TNKS: variants seen among roughly 807,000 people sequenced by gnomAD.
TNKS encodes tankyrase.
A neutral mutation model predicts 135.8 loss-of-function variants in TNKS; 72 were observed. The ratio of observed to expected loss-of-function variants is 0.53; its 90% CI spans 0.44 to 0.64. TNKS has a LOEUF of 0.64. TNKS is among the 30% of genes least tolerant of loss of function. TNKS has a pLI of 0.00. For synonymous variants in TNKS, 849 were observed against 649.3 expected, an observed-to-expected ratio of 1.31 and a Z score of -4.68; for missense variants, 1,769 against 1,674.0, an observed-to-expected ratio of 1.06 and a Z score of -0.99.
intron 2 of TNKS, 82 bp from the exon 3 acceptor site, chr8:9,615,500 T>C: frequency 8.4e-7 from 1 of 1,193,110 alleles, no homozygotes; most frequent in East Asian, 2.6e-5. Context: ...TGTTTATGCC[T>C]ACACCATGCC....
At position 9,556,429 on chromosome 8, in the gene TNKS, C is replaced by A. The variant is rs1815307840; in HGVS notation, c.490C>A (p.Pro164Thr). Residue 164 changes from proline to threonine, a missense_variant, in exon 1 of 27, where the codon CCA becomes ACA. Pro to Thr is a conservative substitution (Grantham distance 38, BLOSUM62 -1). Transcript: ENST00000310430. ...PEAAGVSSTA[P>T]LGPGAAGPGT... Reference sequence around the variant, plus strand: ...GGCGGCCGGAGTTAGCAGCACAGCACCACTGGGGCCTGGGGCAGCAGGACC... The same window carrying A: ...GGCGGCCGGAGTTAGCAGCACAGCAACACTGGGGCCTGGGGCAGCAGGACC... 1 of 1,614,168 alleles carries A rather than the reference C, an allele frequency of 6.2e-7. No individual in the cohort carries two copies. Among genetic ancestry groups the A allele is most frequent in the East Asian group, 2.2e-5 (1 of 44,882 alleles).
At position 9,709,873 on chromosome 8, in the gene TNKS, G is replaced by T; in HGVS notation, c.1579-82G>T. Reference sequence around the variant, plus strand: ...ACTCTGAGATAACAATGTTTTAAATGGTCAGCAGATACTGTTCAATTCCAA... The same window carrying T: ...ACTCTGAGATAACAATGTTTTAAATTGTCAGCAGATACTGTTCAATTCCAA... On this transcript the variant is annotated intron_variant, in intron 9 of 26. Transcript: ENST00000310430. 8.1e-6 allele frequency: 8 copies of T among 986,886 alleles called. No homozygotes were observed. In the South Asian group the frequency reaches 1.1e-4, roughly 14 times the overall value. The allele number at this position is 986,886 out of a possible 1,614,324, so 61.1% of individuals were successfully genotyped here. A position where few individuals can be genotyped will look rare whatever the true frequency, so the allele number is the denominator to read the frequency against.
chr8:9,714,049 G>A lies in TNKS; in HGVS notation c.1749+3829G>A, dbSNP rs149398238. Among the ~76,000 whole-genome samples, 944 of 152,304 alleles carry A rather than the reference G, an allele frequency of 6.2e-3. 12 individuals carry two copies. Among genetic ancestry groups the A allele is most frequent in the African/African-American group, 0.021 (884 of 41,560 alleles). On this transcript the variant is annotated intron_variant, in intron 11 of 26. Coordinates refer to ENST00000310430, the MANE Select transcript of TNKS (RefSeq NM_003747.3). ...ATCAATTTCTCAGGCAAAGGCAGAA[G>A]AATTTGGGATGAAGACCTAATTATC...
intron 1 of TNKS, among the ~76,000 whole-genome samples, chr8:9,570,731 G>A (rs1381068323): frequency 2.6e-5 from 4 of 152,156 alleles, no homozygotes; most frequent in Admixed American, 6.5e-5. Context: ...TCTCTAGCTC[G>A]GAACTGTGAC....
At chr8:9,748,960 C>T (rs1311802978) in intron 18 of TNKS, among the ~76,000 whole-genome samples, 1 of 152,160 alleles carries the variant, frequency 6.6e-6, no homozygotes, top group African/African-American at 2.4e-5. Flanking sequence ...AGGCAGGGGC[C>T]TCTCTAGTCC....
intron 17 of TNKS, chr8:9,741,863 T>C (rs1805978608): frequency 7.1e-6 from 2 of 281,368 alleles, no homozygotes; most frequent in South Asian, 3.7e-5. Flanking sequence ...GTCCACTCTT[T>C]CATTTTCATA....
At chr8:9,664,201 T>C (rs948051989) in intron 3 of TNKS, among the ~76,000 whole-genome samples, 8 of 152,210 alleles carry the variant, frequency 5.3e-5, no homozygotes, top group South Asian at 4.1e-4. Flanking sequence ...AGCATCTATG[T>C]CTGGTGAGGG....
intron 3 of TNKS, among the ~76,000 whole-genome samples, chr8:9,619,716 A>G (rs1385620164): frequency 4.6e-5 from 7 of 152,036 alleles, no homozygotes; most frequent in African/African-American, 1.2e-4. Context: ...GCCACCGGCA[A>G]TATTGAGGTG....
intron 17 of TNKS, among the ~76,000 whole-genome samples, chr8:9,739,470 G>A (rs1490258110): frequency 3.0e-5 from 1 of 33,306 alleles, no homozygotes; most frequent in Non-Finnish European, 5.8e-5. Context: ...CTGTAAACTA[G>A]TTCAACCATT....
At chr8:9,676,477 A>T (rs764635573) in intron 3 of TNKS, among the ~76,000 whole-genome samples, 4 of 152,180 alleles carry the variant, frequency 2.6e-5, no homozygotes, top group Non-Finnish European at 5.9e-5. Context: ...TACAATGTTA[A>T]AATTGAGATA....
At chr8:9,576,533 C>A (rs1205544013) in intron 1 of TNKS, among the ~76,000 whole-genome samples, 1 of 141,354 alleles carries the variant, frequency 7.1e-6, no homozygotes, top group African/African-American at 2.7e-5. Flanking sequence ...TGCAGTGGGG[C>A]GATCTCGGCT....
chr8:9,587,397 AT>A (rs71201955), intron 2 of TNKS, among the ~76,000 whole-genome samples: 7,722 of 141,310 alleles, frequency 0.055, 199 homozygotes, highest in Middle Eastern at 0.09. Context: ...CGACACCTTG[AT>A]TTTTTTTTTT....
At chr8:9,686,619 T>TA (rs1421456534) in intron 5 of TNKS, among the ~76,000 whole-genome samples, 1 of 152,228 alleles carries the variant, frequency 6.6e-6, no homozygotes, top group Admixed American at 6.5e-5. Context: ...GTGAGGATTT[T>TA]AAAATATCTT....
chr8:9,772,075 G>C (rs1056274574), intron 26 of TNKS, among the ~76,000 whole-genome samples: 3 of 140,934 alleles, frequency 2.1e-5, no homozygotes, highest in Admixed American at 7.0e-5. Flanking sequence ...GGGGGAGAGA[G>C]GGAGAGAGAA....
intron 3 of TNKS, among the ~76,000 whole-genome samples, chr8:9,650,195 A>G (rs1171082315): frequency 6.6e-6 from 1 of 152,030 alleles, no homozygotes; most frequent in African/African-American, 2.4e-5. Flanking sequence ...CCCAGCCTAT[A>G]CCACAGTTTC....
chr8:9,598,715 G>T (rs1240154653), intron 2 of TNKS, among the ~76,000 whole-genome samples: 1 of 130,720 alleles, frequency 7.6e-6, no homozygotes, highest in African/African-American at 2.9e-5. Flanking sequence ...ATGTGTGTGT[G>T]TGTGTGTGTG....
At chr8:9,607,694 A>G (rs1355345477) in intron 2 of TNKS, among the ~76,000 whole-genome samples, 1 of 152,170 alleles carries the variant, frequency 6.6e-6, no homozygotes, top group African/African-American at 2.4e-5. Flanking sequence ...AAATAATTAC[A>G]TTTGTTATTT....
intron 3 of TNKS, among the ~76,000 whole-genome samples, chr8:9,674,965 A>G (rs1205538992): frequency 6.6e-6 from 1 of 152,204 alleles, no homozygotes; most frequent in Non-Finnish European, 1.5e-5. Context: ...CAAAGAAGGC[A>G]TTGAGAGCTG....
At chr8:9,665,565 A>G (rs920266700) in intron 3 of TNKS, among the ~76,000 whole-genome samples, 2 of 152,210 alleles carry the variant, frequency 1.3e-5, no homozygotes, top group Non-Finnish European at 2.9e-5. Flanking sequence ...GTGCATCTCT[A>G]CAAGATTCCA....
Sources: gnomAD v4.1 joint callset for allele counts (sites outside exome capture counted in the v4.1 genomes callset) on GRCh38, gnomAD v4.1.1 for gene constraint, MANE v1.5 for transcripts, NCBI Gene and HGNC (gene_info 2026-07-23, HGNC 2026-07-21) for gene names.